The following NELL1 variants were observed in gnomAD, a reference collection of about 807,000 sequenced individuals.
NELL1 encodes neural EGFL like 1.
NELL1 carries 76 observed loss-of-function variants against 107.4 expected under a neutral mutation model. The observed-to-expected ratio is 0.71, with a 90% confidence interval of 0.59 to 0.86. The LOEUF (loss-of-function observed/expected upper bound fraction) is 0.86, where lower values mean the gene tolerates loss of function less well. Among genes scored for constraint, NELL1 ranks in the 40% least tolerant of loss-of-function variants. The probability of loss-of-function intolerance (pLI) is 0.00; values close to 1 mark genes in which losing one functional copy is unlikely to be tolerated. For missense variants in NELL1, 1,024 were observed against 1,005.5 expected (o/e 1.02, Z -0.25); for synonymous variants, 353 against 341.2 (o/e 1.03, Z -0.38).
At chr11:21,470,175 A>G (rs1472023977) in intron 15 of NELL1, among the ~76,000 whole-genome samples, 4 of 152,092 alleles carry the variant, frequency 2.6e-5, no homozygotes, top group African/African-American at 9.6e-5. Context: ...CAGAAACATG[A>G]TCAAGGTTGC....
intron 15 of NELL1, among the ~76,000 whole-genome samples, chr11:21,467,849 C>A (rs1854071463): frequency 1.3e-5 from 2 of 151,914 alleles, no homozygotes. Context: ...GTGATGAAAG[C>A]ATAGTTGCTC....
At chr11:20,690,093 A>G (rs1415115842) in intron 2 of NELL1, among the ~76,000 whole-genome samples, 1 of 152,154 alleles carries the variant, frequency 6.6e-6, no homozygotes, top group East Asian at 1.9e-4. Context: ...TCTTTTGAGA[A>G]GTGTCTGTTC....
At chr11:21,070,783 G>T (rs540338262) in intron 12 of NELL1, among the ~76,000 whole-genome samples, 1 of 152,216 alleles carries the variant, frequency 6.6e-6, no homozygotes, top group African/African-American at 2.4e-5. Flanking sequence ...TAAAATCTGA[G>T]AATCATTGTC....
intron 2 of NELL1, among the ~76,000 whole-genome samples, chr11:20,708,837 A>G (rs1292811186): frequency 6.6e-6 from 1 of 152,166 alleles, no homozygotes; most frequent in Non-Finnish European, 1.5e-5. Flanking sequence ...TTTTGGCACC[A>G]GGGACCAGTT....
At chr11:21,216,012 G>A (rs1168296137) in intron 13 of NELL1, among the ~76,000 whole-genome samples, 1 of 152,048 alleles carries the variant, frequency 6.6e-6, no homozygotes, top group African/African-American at 2.4e-5. Flanking sequence ...GGCCTAGGAG[G>A]GAAAAATGGT....
intron 5 of NELL1, among the ~76,000 whole-genome samples, chr11:20,890,745 CA>C (rs1215510599): frequency 5.3e-5 from 8 of 150,616 alleles, no homozygotes; most frequent in African/African-American, 1.7e-4. Flanking sequence ...ATTGACCAAG[CA>C]GAAAAAAGGA....
intron 17 of NELL1, among the ~76,000 whole-genome samples, chr11:21,561,810 G>A (rs1263739105): frequency 6.6e-6 from 1 of 151,892 alleles, no homozygotes; most frequent in South Asian, 2.1e-4. Context: ...TCCTTCAAGG[G>A]GTTTTGAAGT....
chr11:20,907,094 T>C (rs1271792558), intron 5 of NELL1, among the ~76,000 whole-genome samples: 3 of 151,948 alleles, frequency 2.0e-5, no homozygotes, highest in Non-Finnish European at 4.4e-5. Context: ...GACCCCCTAC[T>C]TCACACCACA....
chr11:21,412,775 A>G (rs994505866), intron 15 of NELL1, among the ~76,000 whole-genome samples: 1 of 152,112 alleles, frequency 6.6e-6, no homozygotes, highest in Non-Finnish European at 1.5e-5. Flanking sequence ...CCCCTTAAGT[A>G]TAACTCCTGG....
chr11:21,276,404 A>G (rs1213857009), intron 14 of NELL1, among the ~76,000 whole-genome samples: 1 of 152,246 alleles, frequency 6.6e-6, no homozygotes, highest in Non-Finnish European at 1.5e-5. Flanking sequence ...AAGAGGATAC[A>G]GAGAAATGGA....
intron 12 of NELL1, among the ~76,000 whole-genome samples, chr11:21,033,150 G>T (rs1034376622): frequency 9.2e-5 from 14 of 152,036 alleles, no homozygotes; most frequent in Admixed American, 8.5e-4. Flanking sequence ...CATCTCTTTT[G>T]CTTTGGTGAT....
At chr11:21,561,847 G>A (rs1352697041) in intron 17 of NELL1, among the ~76,000 whole-genome samples, 1 of 151,982 alleles carries the variant, frequency 6.6e-6, no homozygotes, top group Non-Finnish European at 1.5e-5. Flanking sequence ...TAACCACATG[G>A]TGCTGACTCA....
intron 17 of NELL1, among the ~76,000 whole-genome samples, chr11:21,568,111 G>A (rs952086689): frequency 6.6e-6 from 1 of 151,780 alleles, no homozygotes; most frequent in African/African-American, 2.4e-5. Flanking sequence ...AACCTAGATG[G>A]AATAGCTTGC....
At chr11:21,235,277 G>A (rs780442089) in intron 14 of NELL1, among the ~76,000 whole-genome samples, 43 of 152,236 alleles carry the variant, frequency 2.8e-4, no homozygotes, top group African/African-American at 8.7e-4. Context: ...ATTGAAAAAC[G>A]GGAGGATTGT....
chr11:21,492,137 T>G (rs1000307904), intron 15 of NELL1, among the ~76,000 whole-genome samples: 2 of 151,982 alleles, frequency 1.3e-5, no homozygotes, highest in African/African-American at 4.8e-5. Context: ...AAAAAACACA[T>G]GAAAAAATGC....
chr11:21,173,065 A>G (rs1661199013), intron 13 of NELL1, among the ~76,000 whole-genome samples: 1 of 151,840 alleles, frequency 6.6e-6, no homozygotes, highest in South Asian at 2.1e-4. Flanking sequence ...AATAGATCTC[A>G]CTATGGGATA....
At chr11:21,281,837 A>G (rs1849002488) in intron 14 of NELL1, among the ~76,000 whole-genome samples, 1 of 152,222 alleles carries the variant, frequency 6.6e-6, no homozygotes, top group South Asian at 2.1e-4. Flanking sequence ...CGTCATATAC[A>G]AAAATAAATA....
At chr11:21,162,071 C>T (rs769832126) in intron 13 of NELL1, among the ~76,000 whole-genome samples, 55 of 150,802 alleles carry the variant, frequency 3.6e-4, no homozygotes, top group Admixed American at 1.3e-4. Flanking sequence ...CTGCCTCAGC[C>T]TCCTGAGTAG....
intron 15 of NELL1, among the ~76,000 whole-genome samples, chr11:21,413,955 A>T (rs1234686322): frequency 1.3e-5 from 2 of 151,956 alleles, no homozygotes; most frequent in Non-Finnish European, 2.9e-5. Flanking sequence ...AATGATCAAG[A>T]TTTTTTTGTT....
Sources: allele counts gnomAD v4.1 joint callset (sites outside exome capture counted in the v4.1 genomes callset), GRCh38; gene constraint gnomAD v4.1.1; transcripts MANE v1.5; gene names NCBI Gene and HGNC (gene_info 2026-07-23, HGNC 2026-07-21).